Variants in TENM2 observed in about 807,000 individuals in gnomAD.
TENM2 encodes the protein teneurin transmembrane protein 2, also known as teneurin-2.
In TENM2, 52 loss-of-function variants were observed where a neutral mutation model predicts 245.2. The observed-to-expected ratio is 0.21, with a 90% CI of 0.17 to 0.27. The LOEUF is 0.27. Among genes scored for constraint, TENM2 ranks in the 10% least tolerant of loss-of-function variants. TENM2 has a pLI of 1.00. For synonymous variants in TENM2, 1,363 were observed against 1,438.9 expected (o/e 0.95, Z 1.19); for missense variants, 3,046 against 3,666.8 (o/e 0.83, Z 4.37).
rs143322359 is a variant in TENM2, at chr5:167,338,120, T to C, written c.227-37078T>C. On this transcript the variant is annotated intron_variant, in intron 1 of 28. Transcript: ENST00000518659. ...ACAAAAGGTCAACATGCTGTACTTA[T>C]TACTGTATCTGGATTATATGCCCAC... 1.5e-3 allele frequency among the ~76,000 whole-genome samples: 230 copies of C among 152,342 alleles called. 2 individuals are homozygous for C. Among genetic ancestry groups the C allele is most frequent in the African/African-American group, 5.2e-3 (215 of 41,576 alleles).
chr5:167,393,407 G>T (rs1364340726), intron 2 of TENM2, among the ~76,000 whole-genome samples: 1 of 152,088 alleles, frequency 6.6e-6, no homozygotes, highest in Non-Finnish European at 1.5e-5. Context: ...AAAACCTCAA[G>T]GAACAGAGAA....
the TENM2 span, among the ~76,000 whole-genome samples, chr5:167,220,301 T>G: frequency 3.9e-5 from 6 of 152,218 alleles, no homozygotes; most frequent in Non-Finnish European, 8.8e-5. Flanking sequence ...TGTTCGTTTT[T>G]GGCACTTATA....
chr5:168,156,969 CG>C (rs1757244117), intron 12 of TENM2, among the ~76,000 whole-genome samples: 1 of 152,132 alleles, frequency 6.6e-6, no homozygotes, highest in South Asian at 2.1e-4. Context: ...GTAATGACAA[CG>C]GGCACATTTA....
At chr5:167,043,421 A>T in the TENM2 span, among the ~76,000 whole-genome samples, 1 of 152,158 alleles carries the variant, frequency 6.6e-6, no homozygotes, top group African/African-American at 2.4e-5. Context: ...AGGAGGAGGT[A>T]ATTTATATGT....
intron 3 of TENM2, among the ~76,000 whole-genome samples, chr5:167,911,248 C>T (rs1314930170): frequency 1.3e-5 from 2 of 152,022 alleles, no homozygotes; most frequent in Admixed American, 6.5e-5. Flanking sequence ...ACTCAAGGGC[C>T]GGGCACGGTG....
chr5:167,896,329 CA>C (rs1199036753), intron 3 of TENM2, among the ~76,000 whole-genome samples: 3 of 152,204 alleles, frequency 2.0e-5, no homozygotes, highest in Non-Finnish European at 2.9e-5. Flanking sequence ...GACTAGCACA[CA>C]GATGTGTCCA....
At chr5:167,729,231 AT>A in intron 2 of TENM2, 1 of 152,254 alleles carries the variant, frequency 6.6e-6, no homozygotes, top group Middle Eastern at 3.4e-3. Context: ...GTGGAAGCAT[AT>A]TGACTGCCTA....
At chr5:167,934,766 C>G (rs138859797) in intron 3 of TENM2, 7 of 694,210 alleles carry the variant, frequency 1.0e-5, no homozygotes, top group Non-Finnish European at 1.2e-5. Flanking sequence ...CAAGGAAACT[C>G]GGCTCCAGCC....
chr5:167,858,852 C>T (rs1226006083), intron 2 of TENM2, among the ~76,000 whole-genome samples: 1 of 141,546 alleles, frequency 7.1e-6, no homozygotes, highest in Non-Finnish European at 1.6e-5. Context: ...GGACGGGCCC[C>T]GCGGGGCCCG....
the TENM2 span, among the ~76,000 whole-genome samples, chr5:167,212,583 C>G: frequency 9.9e-5 from 15 of 152,104 alleles, no homozygotes; most frequent in Non-Finnish European, 1.9e-4. Context: ...GCCTCTGGCT[C>G]ATGGATGTGC....
intron 1 of TENM2, among the ~76,000 whole-genome samples, chr5:167,305,392 T>C (rs778505791): frequency 2.5e-4 from 38 of 152,342 alleles, no homozygotes; most frequent in Non-Finnish European, 4.3e-4. Flanking sequence ...CCACCTTGCA[T>C]ATTTACTCAG....
intron 13 of TENM2, among the ~76,000 whole-genome samples, 184 bp downstream of exon 15, chr5:168,162,941 ACCGG>A (rs1161997964): frequency 1.3e-5 from 2 of 152,206 alleles, no homozygotes; most frequent in Admixed American, 6.5e-5. Context: ...TCTGGGAGAC[ACCGG>A]CTGGAGGCAC....
the TENM2 span, among the ~76,000 whole-genome samples, chr5:167,073,642 C>T: frequency 6.6e-6 from 1 of 152,142 alleles, no homozygotes; most frequent in African/African-American, 2.4e-5. Context: ...ACTCCCCGCA[C>T]CTCACCCCAC....
intron 1 of TENM2, among the ~76,000 whole-genome samples, chr5:167,336,489 AG>A (rs986177466): frequency 3.3e-5 from 5 of 151,896 alleles, no homozygotes; most frequent in Non-Finnish European, 2.9e-5. Context: ...AGAAAGTTGA[AG>A]AAAGCCCCTC....
chr5:167,271,171 C>T, the TENM2 span, among the ~76,000 whole-genome samples: 1 of 152,098 alleles, frequency 6.6e-6, no homozygotes, highest in South Asian at 2.1e-4. Flanking sequence ...TGGGCTTTCT[C>T]TGCTGCCTCT....
rs187863224 is a variant in TENM2, at chr5:167,798,175, G to T, written c.503-77811G>T. ...GAAGAGCTGGGATTCACGTCCAGGC[G>T]CAAGCTAACTGCAGGCCAGAGTCTT... is the stretch of plus-strand genomic sequence containing the variant. On this transcript the variant is annotated intron_variant, in intron 2 of 28. Coordinates refer to ENST00000518659, the Ensembl canonical transcript of TENM2. 2.9e-3 allele frequency among the ~76,000 whole-genome samples: 439 copies of T among 152,264 alleles called. 2 individuals are homozygous for T. Among genetic ancestry groups the T allele is most frequent in the Middle Eastern group, 6.8e-3 (2 of 294 alleles).
chr5:167,568,657 G>GTGTA lies in TENM2; in HGVS notation c.502+193187_502+193188insATGT, dbSNP rs1554182309. Among the ~76,000 whole-genome samples the GTGTA allele has an allele frequency of 8.3e-3, 1,244 of 150,486 alleles. 14 individuals carry two copies. Among genetic ancestry groups the GTGTA allele is most frequent in the African/African-American group, 0.028 (1,162 of 41,162 alleles). Reference sequence around the variant, plus strand: ...CAGGCAGAGACCATGGTGTGTGTGTGTGTGTGTGTGTGTGTGTGTGTGTGT... The same window carrying GTGTA: ...CAGGCAGAGACCATGGTGTGTGTGTGTGTATGTGTGTGTGTGTGTGTGTGTGTGT... On this transcript the variant is annotated intron_variant, in intron 2 of 28. Coordinates refer to ENST00000518659, the Ensembl canonical transcript of TENM2.
chr5:167,528,194 G>A (rs536065998), intron 2 of TENM2, among the ~76,000 whole-genome samples: 6 of 152,134 alleles, frequency 3.9e-5, no homozygotes, highest in Non-Finnish European at 7.3e-5. Context: ...TGTGACAGTC[G>A]TGTGCAATAA....
At chr5:167,569,173 C>T (rs752789513) in intron 2 of TENM2, among the ~76,000 whole-genome samples, 1 of 121,848 alleles carries the variant, frequency 8.2e-6, no homozygotes, top group African/African-American at 3.2e-5. Flanking sequence ...TAATGTTTGT[C>T]TTTTATATTA....
Sources: gnomAD v4.1 joint callset for allele counts (sites outside exome capture counted in the v4.1 genomes callset) on GRCh38, gnomAD v4.1.1 for gene constraint, MANE v1.5 for transcripts, NCBI Gene and HGNC (gene_info 2026-07-23, HGNC 2026-07-21) for gene names.